The following ANKRD31 variants were observed in gnomAD, a reference collection of about 807,000 sequenced individuals.
The protein encoded by ANKRD31 is ankyrin repeat domain 31.
ANKRD31 carries 147 observed loss-of-function variants against 186.0 expected under a neutral mutation model. The ratio of observed to expected loss-of-function variants is 0.79; its 90% CI spans 0.69 to 0.91. The LOEUF (loss-of-function observed/expected upper bound fraction) is 0.91, where lower values mean the gene tolerates loss of function less well. Ranked by LOEUF, ANKRD31 falls within the 40% of genes least tolerant of loss-of-function variation. The pLI, the probability that ANKRD31 is intolerant of heterozygous loss-of-function variation, is 0.00. For synonymous variants in ANKRD31, 673 were observed against 736.4 expected (o/e 0.91, Z 1.39); for missense variants, 1,986 against 2,148.8 (o/e 0.92, Z 1.50).
chr5:75,150,855 C>T (rs1486866457), intron 12 of ANKRD31, among the ~76,000 whole-genome samples: 2 of 152,050 alleles, frequency 1.3e-5, no homozygotes, highest in East Asian at 3.9e-4. Context: ...TTGCAATTTT[C>T]CATATAGTTT....
chr5:75,088,242 G>A (rs910858253), intron 23 of ANKRD31, among the ~76,000 whole-genome samples: 1 of 152,108 alleles, frequency 6.6e-6, no homozygotes, highest in Non-Finnish European at 1.5e-5. Flanking sequence ...AAGTATGTGT[G>A]GGGGGTGAGG....
intron 9 of ANKRD31, 27 bp downstream of exon 9, chr5:75,192,640 T>G: frequency 7.0e-7 from 1 of 1,433,890 alleles, no homozygotes; most frequent in Non-Finnish European, 9.4e-7. Context: ...GTAAAAGAAA[T>G]AGAAAAATAC....
intron 17 of ANKRD31, among the ~76,000 whole-genome samples, chr5:75,124,147 AAAG>A (rs1156365401): frequency 6.6e-6 from 1 of 152,196 alleles, no homozygotes; most frequent in Non-Finnish European, 1.5e-5. Context: ...ACATTTCTTA[AAAG>A]AAGACCCACG....
At chr5:75,176,890 T>C (rs1753850122) in intron 10 of ANKRD31, among the ~76,000 whole-genome samples, 2 of 152,238 alleles carry the variant, frequency 1.3e-5, no homozygotes, top group South Asian at 4.1e-4. Context: ...GGAGAATGAC[T>C]TTGACGAGTT....
chr5:75,171,078 T>C (rs1753281320), intron 10 of ANKRD31, among the ~76,000 whole-genome samples: 1 of 151,892 alleles, frequency 6.6e-6, no homozygotes, highest in Admixed American at 6.6e-5. Flanking sequence ...CAATGAGACA[T>C]AAAATCAATA....
chr5:75,124,992 C>A (rs940378680), intron 17 of ANKRD31, among the ~76,000 whole-genome samples: 2 of 152,050 alleles, frequency 1.3e-5, no homozygotes, highest in Admixed American at 1.3e-4. Context: ...AAGAAAAATA[C>A]CCTTGTTTTA....
chr5:75,205,636 G>A (rs994703067), intron 5 of ANKRD31, among the ~76,000 whole-genome samples: 6 of 152,152 alleles, frequency 3.9e-5, no homozygotes, highest in African/African-American at 1.4e-4. Flanking sequence ...AGCTGGTGGT[G>A]GGCAAAAGTG....
At chr5:75,097,546 T>G (rs549463488) in intron 22 of ANKRD31, among the ~76,000 whole-genome samples, 5 of 152,352 alleles carry the variant, frequency 3.3e-5, no homozygotes, top group African/African-American at 1.2e-4. Context: ...CTTTGTAGAG[T>G]CTGGGTATTA....
intron 7 of ANKRD31, 86 bp from the exon 8 acceptor site, chr5:75,193,677 T>G (rs1432577788): frequency 1.5e-6 from 2 of 1,303,406 alleles, no homozygotes; most frequent in Non-Finnish European, 2.0e-6. Context: ...TCTTGACCTT[T>G]GCTTAAATTA....
At chr5:75,226,659 T>C (rs1436738554) in intron 2 of ANKRD31, among the ~76,000 whole-genome samples, 1 of 152,104 alleles carries the variant, frequency 6.6e-6, no homozygotes, top group Non-Finnish European at 1.5e-5. Context: ...AACAGATATA[T>C]GAAAAGGTAC....
At chr5:75,074,158 G>T (rs914340151) in intron 25 of ANKRD31, among the ~76,000 whole-genome samples, 1 of 152,122 alleles carries the variant, frequency 6.6e-6, no homozygotes, top group Non-Finnish European at 1.5e-5. Context: ...CACTTCCAGG[G>T]TAAACCCATG....
intron 10 of ANKRD31, among the ~76,000 whole-genome samples, chr5:75,187,926 T>C (rs1242286897): frequency 6.6e-6 from 1 of 152,154 alleles, no homozygotes; most frequent in African/African-American, 2.4e-5. Context: ...AGTACTTAAG[T>C]ACCTTTAAGG....
At chr5:75,120,908 G>A (rs4704174) in intron 17 of ANKRD31, among the ~76,000 whole-genome samples, 14,427 of 152,152 alleles carry the variant, frequency 0.095, 977 homozygotes, top group East Asian at 0.24. Flanking sequence ...AAAGATAAAG[G>A]GTGCGGTGGC....
At position 75,098,457 on chromosome 5, in the gene ANKRD31, A is replaced by G. The variant is rs544747724; in HGVS notation, c.5331+5771T>C. On this transcript the variant is annotated intron_variant, in intron 22 of 25. Coordinates refer to ENST00000506364, the MANE Select transcript of ANKRD31 (RefSeq NM_001372053.1). Reference sequence around the variant, plus strand: ...ATGAACTTTCAAGTAGTTTTTTCCAATTCTGTGAAGAAAGTCATTGGTAGC... The same window carrying G: ...ATGAACTTTCAAGTAGTTTTTTCCAGTTCTGTGAAGAAAGTCATTGGTAGC... Among the ~76,000 whole-genome samples the G allele has an allele frequency of 2.7e-5, 4 of 150,672 alleles. No homozygotes were observed. In the East Asian group the frequency reaches 7.7e-4, roughly 29 times the overall value.
chr5:75,200,929 G>T (rs977270802), intron 5 of ANKRD31, among the ~76,000 whole-genome samples: 5 of 150,174 alleles, frequency 3.3e-5, no homozygotes, highest in Non-Finnish European at 5.9e-5. Flanking sequence ...AAAAAGAAAA[G>T]AAAAAAAGAC....
intron 3 of ANKRD31, among the ~76,000 whole-genome samples, chr5:75,218,027 A>G (rs1316048666): frequency 6.6e-6 from 1 of 152,148 alleles, no homozygotes; most frequent in Non-Finnish European, 1.5e-5. Flanking sequence ...ACATACAACT[A>G]GAAGAACTGG....
intron 10 of ANKRD31, among the ~76,000 whole-genome samples, chr5:75,170,024 G>A (rs1433018751): frequency 6.6e-6 from 1 of 152,112 alleles, no homozygotes; most frequent in Non-Finnish European, 1.5e-5. Flanking sequence ...TTATTACTGA[G>A]TTTTGACGAA....
intron 2 of ANKRD31, among the ~76,000 whole-genome samples, chr5:75,222,975 G>A (rs1420324124): frequency 6.6e-6 from 1 of 152,094 alleles, no homozygotes; most frequent in East Asian, 1.9e-4. Context: ...GGGATTGCTG[G>A]GTCAAATGGT....
At chr5:75,177,343 G>C (rs903399665) in intron 10 of ANKRD31, among the ~76,000 whole-genome samples, 3 of 152,134 alleles carry the variant, frequency 2.0e-5, no homozygotes, top group Admixed American at 6.5e-5. Context: ...CCCCAATCTA[G>C]CAAGGTGGGC....
Sources: gnomAD v4.1 joint callset for allele counts (sites outside exome capture counted in the v4.1 genomes callset) on GRCh38, gnomAD v4.1.1 for gene constraint, MANE v1.5 for transcripts, NCBI Gene and HGNC (gene_info 2026-07-23, HGNC 2026-07-21) for gene names.